Variants in RYR1 observed in about 807,000 individuals in gnomAD.
The protein encoded by RYR1 is central core disease of muscle.
Under a neutral mutation model 583.5 loss-of-function variants are expected in RYR1, and 342 were observed. The observed-to-expected ratio is 0.59, with a 90% CI of 0.54 to 0.64. The LOEUF (loss-of-function observed/expected upper bound fraction) is 0.64, where lower values mean the gene tolerates loss of function less well. Among genes scored for constraint, RYR1 ranks in the 30% least tolerant of loss-of-function variants. The pLI is 0.00. For missense variants in RYR1, 6,032 were observed against 6,917.2 expected (o/e 0.87, Z 4.54); for synonymous variants, 2,791 against 2,822.5 (o/e 0.99, Z 0.35).
intron 76 of RYR1, 92 bp from the exon 77 acceptor site, chr19:38,532,398 C>T: frequency 1.6e-6 from 2 of 1,279,010 alleles, no homozygotes; most frequent in Non-Finnish European, 2.3e-6. Context: ...GTTGGGATTA[C>T]AGGCATGAGC....
At chr19:38,495,367 A>C (rs1969769542) in intron 39 of RYR1, among the ~76,000 whole-genome samples, 1 of 152,166 alleles carries the variant, frequency 6.6e-6, no homozygotes, top group Non-Finnish European at 1.5e-5. Flanking sequence ...TGTTTTTGAG[A>C]CAGGGCCTCA....
At position 38,452,980 on chromosome 19, in the gene RYR1, G is replaced by C. The variant is rs576110429; in HGVS notation, c.1406G>C (p.Ser469Thr). Residue 469 changes from serine (S) to threonine (T), a missense_variant, in exon 13 of 106, where the codon AGC (serine) becomes ACC (threonine). Physicochemically the swap from Ser to Thr is moderately conservative, Grantham distance 58. Transcript: ENST00000359596. ...GAGGAGAAGCAGAGCAAGCTGCGAA[G>C]CCTGCGCAACCGCCAGAGCCTCTTC... ...QHEEKQSKLR[S>T]LRNRQSLFQE... The C allele has an allele frequency of 6.2e-7, 1 of 1,613,942 alleles. No individual in the cohort carries two copies. The highest frequency in any genetic ancestry group is 2.2e-5 in the East Asian group (1 of 44,876).
intron 99 of RYR1, among the ~76,000 whole-genome samples, chr19:38,579,164 T>G (rs1974088162): frequency 6.6e-6 from 1 of 151,998 alleles, no homozygotes; most frequent in South Asian, 2.1e-4. Context: ...CTCAGGCCTG[T>G]AATCCCAGCA....
intron 84 of RYR1, among the ~76,000 whole-genome samples, chr19:38,542,112 T>C (rs1972223714): frequency 6.6e-6 from 1 of 150,600 alleles, no homozygotes; most frequent in Middle Eastern, 3.2e-3. Context: ...TGTTTTTTTT[T>C]TTTTTACTAC....
At chr19:38,532,603 A>C (rs1193103926) in intron 77 of RYR1, 62 bp downstream of exon 77, 1 of 1,613,634 alleles carries the variant, frequency 6.2e-7, no homozygotes, top group Non-Finnish European at 8.5e-7. Context: ...GTGCTTGTCC[A>C]CAAAAAGGGC....
At chr19:38,497,367 A>G (rs1297331780) in intron 42 of RYR1, among the ~76,000 whole-genome samples, 1 of 152,114 alleles carries the variant, frequency 6.6e-6, no homozygotes, top group Non-Finnish European at 1.5e-5. Flanking sequence ...TCGCTCTCCG[A>G]GCTTCCACTT....
chr19:38,498,926 C>G (rs1402674880), intron 42 of RYR1, among the ~76,000 whole-genome samples, 182 bp from the exon 43 acceptor site: 1 of 152,188 alleles, frequency 6.6e-6, no homozygotes, highest in Non-Finnish European at 1.5e-5. Flanking sequence ...GTCTCAAGCT[C>G]CTGTTCAAGA....
chr19:38,585,369 G>GAGATATATATAT, intron 102 of RYR1, among the ~76,000 whole-genome samples: 1 of 141,064 alleles, frequency 7.1e-6, no homozygotes, highest in South Asian at 2.3e-4. Flanking sequence ...AAAGGCCTGA[G>GAGATATATATAT]ATATATATAT....
chr19:38,515,221 ACACGGCGGCAGCCGCGGTTCCC>A, intron 64 of RYR1, 114 bp downstream of exon 64: 2 of 858,134 alleles, frequency 2.3e-6, no homozygotes, highest in Non-Finnish European at 3.8e-6. Flanking sequence ...ATTTTCCCGC[ACACGGCGGCAGCCGCGGTTCCC>A]CACGGCGGCC....
chr19:38,464,103 C>G (rs1052126112), intron 22 of RYR1, among the ~76,000 whole-genome samples: 10 of 151,528 alleles, frequency 6.6e-5, no homozygotes, highest in Non-Finnish European at 1.3e-4. Context: ...ATGGCAAAAC[C>G]CCGTCTCTAC....
At chr19:38,513,783 C>T (rs1297753168) in intron 63 of RYR1, among the ~76,000 whole-genome samples, 1 of 151,914 alleles carries the variant, frequency 6.6e-6, no homozygotes, top group African/African-American at 2.4e-5. Flanking sequence ...TGTGCCTACC[C>T]TTCACTGTAT....
chr19:38,584,321 A>C, intron 101 of RYR1, among the ~76,000 whole-genome samples: 1 of 48,592 alleles, frequency 2.1e-5, no homozygotes. Context: ...CCCGGCCCTC[A>C]TCCCTCCGTC....
chr19:38,586,684 C>A, intron 105 of RYR1, 108 bp downstream of exon 105: 1 of 1,110,322 alleles, frequency 9.0e-7, no homozygotes, highest in Non-Finnish European at 1.4e-6. Context: ...AGGGTTAGGG[C>A]TGGGGGCTGG....
intron 93 of RYR1, 39 bp downstream of exon 93, chr19:38,567,956 C>T (rs377293573): frequency 8.1e-6 from 13 of 1,609,122 alleles, no homozygotes; most frequent in East Asian, 2.2e-5. Flanking sequence ...TTCTTCTCCC[C>T]GGGAGCCCCA....
chr19:38,551,103 A>G (rs1568565507), intron 89 of RYR1, among the ~76,000 whole-genome samples: 1 of 118,662 alleles, frequency 8.4e-6, no homozygotes, highest in African/African-American at 3.2e-5. Context: ...GCTGGAGTGC[A>G]ATGGTATGAT....
At chr19:38,458,622 G>T (rs1434653041) in intron 18 of RYR1, among the ~76,000 whole-genome samples, 4 of 151,524 alleles carry the variant, frequency 2.6e-5, no homozygotes, top group Admixed American at 6.6e-5. Context: ...TTGTTTGTTT[G>T]TTTGTTTGTT....
chr19:38,473,538 G>A lies in RYR1; in HGVS notation c.3927G>A (p.Leu1309=), dbSNP rs1345081242. 1 of 1,608,070 alleles carries A rather than the reference G, an allele frequency of 6.2e-7. No homozygotes were observed. The highest frequency in any genetic ancestry group is 8.5e-7 in the Non-Finnish European group (1 of 1,177,882). ...GCTGCACTGCAGGGGCCACCCCGCT[G>A]GCACCTCCTGGCCTGCAGCCCCCCG... ...HFRCTAGATP[L]APPGLQPPAE... is the part of the protein sequence containing the mutation. The change falls in exon 28 of 106, where the codon CTG becomes CTA. Residue 1309 remains leucine (L), a synonymous_variant. Transcript: ENST00000359596.
chr19:38,587,429 C>A lies in RYR1; in HGVS notation c.*9C>A. Reference sequence around the variant, plus strand: ...AGGACCAGCTTAGCTGACACACCCCCAGCTGGCCCTCCACCCCCACCTCAA... The same window carrying A: ...AGGACCAGCTTAGCTGACACACCCCAAGCTGGCCCTCCACCCCCACCTCAA... On this transcript the variant is annotated 3_prime_UTR_variant, in exon 106 of 106. Coordinates refer to ENST00000359596, the MANE Select transcript of RYR1 (RefSeq NM_000540.3). 1.2e-6 allele frequency: 2 copies of A among 1,609,354 alleles called. No homozygotes were observed. Among genetic ancestry groups the A allele is most frequent in the African/African-American group, 1.3e-5 (1 of 74,904 alleles).
At position 38,587,248 on chromosome 19, in the gene RYR1, G is replaced by A. The variant is rs566646679; in HGVS notation, c.15022-77G>A. The A allele has an allele frequency of 2.8e-4, 283 of 1,011,602 alleles. No homozygotes were observed. In the African/African-American group the frequency reaches 4.2e-3, roughly 15 times the overall value. The allele number at this position is 1,011,602 out of a possible 1,614,324, so 62.7% of individuals were successfully genotyped here. ...AGCCTGGGCAACAGAGCAACACCCT[G>A]TCTAAAAATATATATATATATATGT... On this transcript the variant is annotated intron_variant, in intron 105 of 105. Coordinates refer to ENST00000359596, the MANE Select transcript of RYR1 (RefSeq NM_000540.3).
Sources: gnomAD v4.1 joint callset for allele counts (sites outside exome capture counted in the v4.1 genomes callset) on GRCh38, gnomAD v4.1.1 for gene constraint, MANE v1.5 for transcripts, NCBI Gene and HGNC (gene_info 2026-07-23, HGNC 2026-07-21) for gene names.